The following DLG2 variants were observed in gnomAD, a reference collection of about 807,000 sequenced individuals.
The protein encoded by DLG2 is disks large homolog 2.
DLG2 carries 45 observed loss-of-function variants against 132.5 expected under a neutral mutation model. That is an observed-to-expected ratio of 0.34 (90% CI 0.27 to 0.44). DLG2 has a LOEUF of 0.44. Among genes scored for constraint, DLG2 ranks in the 20% least tolerant of loss-of-function variants. The pLI is 1.00. For synonymous variants in DLG2, 424 were observed against 419.6 expected, an observed-to-expected ratio of 1.01 and a Z score of -0.13; for missense variants, 1,045 against 1,196.9, an observed-to-expected ratio of 0.87 and a Z score of 1.87.
At chr11:85,375,933 A>G (rs1167726533) in intron 3 of DLG2, among the ~76,000 whole-genome samples, 1 of 152,222 alleles carries the variant, frequency 6.6e-6, no homozygotes, top group Non-Finnish European at 1.5e-5. Flanking sequence ...AAGTAAACAC[A>G]GGATGCCACA....
intron 11 of DLG2, among the ~76,000 whole-genome samples, chr11:84,012,822 T>A (rs1013453463): frequency 6.6e-6 from 1 of 152,138 alleles, no homozygotes; most frequent in South Asian, 2.1e-4. Flanking sequence ...TCGGGGTTAA[T>A]CTAATCGAAT....
intron 6 of DLG2, among the ~76,000 whole-genome samples, chr11:84,888,085 C>A (rs1566274608): frequency 6.6e-6 from 1 of 152,096 alleles, no homozygotes; most frequent in Non-Finnish European, 1.5e-5. Flanking sequence ...CTCCATAGAA[C>A]ACTGCAAATT....
chr11:84,657,716 C>A (rs116923871), intron 6 of DLG2, among the ~76,000 whole-genome samples: 1 of 152,154 alleles, frequency 6.6e-6, no homozygotes, highest in Non-Finnish European at 1.5e-5. Flanking sequence ...ACTCAGTCAC[C>A]TGCTGCTCTC....
At chr11:83,928,974 A>G (rs2625524) in intron 15 of DLG2, among the ~76,000 whole-genome samples, 149,172 of 152,208 alleles carry the variant, frequency 0.98, 73,134 homozygotes, top group Non-Finnish European at 1. Flanking sequence ...GGCATAGTTC[A>G]CTGTATCAAC....
At chr11:84,550,846 ACT>A (rs1201390713) in intron 6 of DLG2, among the ~76,000 whole-genome samples, 3 of 152,128 alleles carry the variant, frequency 2.0e-5, no homozygotes, top group South Asian at 2.1e-4. Context: ...AAAATCTGTG[ACT>A]CTGTCGAAAT....
At chr11:85,189,113 C>T (rs986800138) in intron 4 of DLG2, among the ~76,000 whole-genome samples, 1 of 151,928 alleles carries the variant, frequency 6.6e-6, no homozygotes, top group Non-Finnish European at 1.5e-5. Context: ...TCATTAAGTA[C>T]AGAGAAACAG....
intron 7 of DLG2, chr11:84,273,306 G>GAAAA (rs752762450): frequency 1.4e-4 from 110 of 790,890 alleles, no homozygotes; most frequent in African/African-American, 3.3e-4. Context: ...AGTTGAAGAG[G>GAAAA]AAAAAAAAAA....
intron 6 of DLG2, among the ~76,000 whole-genome samples, chr11:84,652,275 G>C (rs2099682999): frequency 6.6e-6 from 1 of 152,050 alleles, no homozygotes; most frequent in Non-Finnish European, 1.5e-5. Context: ...CTCGAGTTTT[G>C]TAATAGTCTA....
At position 85,325,226 on chromosome 11, in the gene DLG2, G is replaced by C. The variant is rs1374466160; in HGVS notation, c.41-39861C>G. Among the ~76,000 whole-genome samples, 4 of 151,898 alleles carry C rather than the reference G, an allele frequency of 2.6e-5. No homozygotes were observed. The East Asian group carries it at 5.8e-4, about 22-fold the overall frequency. ...GCCCGCCATTGCCCAGGCTTGCTTA[G>C]GTAAACAAAGCAGCTGGGAAGCTCG... On this transcript the variant is annotated intron_variant, in intron 3 of 27. Coordinates refer to ENST00000376104, the MANE Select transcript of DLG2 (RefSeq NM_001142699.3).
intron 3 of DLG2, among the ~76,000 whole-genome samples, chr11:85,584,697 C>T (rs777851061): frequency 1.3e-5 from 2 of 152,132 alleles, no homozygotes; most frequent in Non-Finnish European, 2.9e-5. Context: ...GCCATTCTTG[C>T]AGTAGTAAGG....
intron 12 of DLG2, among the ~76,000 whole-genome samples, chr11:83,977,580 A>G (rs534685054): frequency 6.6e-5 from 10 of 152,216 alleles, no homozygotes; most frequent in African/African-American, 1.9e-4. Context: ...GAGGTAGGTA[A>G]TCAACAGGAA....
At chr11:85,005,506 A>T (rs190171365) in intron 6 of DLG2, among the ~76,000 whole-genome samples, 1 of 152,172 alleles carries the variant, frequency 6.6e-6, no homozygotes, top group African/African-American at 2.4e-5. Context: ...ATGGGAGTTC[A>T]CTCATGATTT....
At chr11:85,120,718 CA>C (rs1232847416) in intron 5 of DLG2, among the ~76,000 whole-genome samples, 1 of 151,882 alleles carries the variant, frequency 6.6e-6, no homozygotes, top group Non-Finnish European at 1.5e-5. Context: ...TGTTTTCATA[CA>C]AAAATCAAAA....
At chr11:84,957,982 T>C (rs190153850) in intron 6 of DLG2, among the ~76,000 whole-genome samples, 28 of 152,256 alleles carry the variant, frequency 1.8e-4, no homozygotes, top group Admixed American at 1.6e-3. Context: ...GACAGATCAG[T>C]GTTTGAGTCC....
At chr11:84,159,652 C>A (rs1260292417) in intron 9 of DLG2, among the ~76,000 whole-genome samples, 1 of 152,030 alleles carries the variant, frequency 6.6e-6, no homozygotes, top group Non-Finnish European at 1.5e-5. Context: ...TTAATTATCA[C>A]CTTTGGAAGG....
chr11:85,043,686 G>T (rs544247108), intron 6 of DLG2, among the ~76,000 whole-genome samples: 1 of 151,778 alleles, frequency 6.6e-6, no homozygotes, highest in African/African-American at 2.4e-5. Context: ...CAGAAGAAAT[G>T]ACAGAAAAAT....
intron 18 of DLG2, among the ~76,000 whole-genome samples, chr11:83,747,618 C>T (rs2093015039): frequency 6.6e-6 from 1 of 152,150 alleles, no homozygotes; most frequent in South Asian, 2.1e-4. Context: ...ATCCTGGGCT[C>T]AAACTATCCA....
chr11:83,720,200 A>G (rs1034282107), intron 18 of DLG2, among the ~76,000 whole-genome samples: 27 of 149,308 alleles, frequency 1.8e-4, no homozygotes, highest in East Asian at 4.0e-4. Flanking sequence ...AGGCTGAGAC[A>G]TAAGAATCAC....
chr11:85,486,583 G>A (rs189004217), intron 3 of DLG2, among the ~76,000 whole-genome samples: 2 of 152,198 alleles, frequency 1.3e-5, no homozygotes, highest in African/African-American at 4.8e-5. Flanking sequence ...TTTGAGGTCA[G>A]GCTGACCCAA....
Sources: allele counts gnomAD v4.1 joint callset (sites outside exome capture counted in the v4.1 genomes callset), GRCh38; gene constraint gnomAD v4.1.1; transcripts MANE v1.5; gene names NCBI Gene and HGNC (gene_info 2026-07-23, HGNC 2026-07-21).